CENPP: variants seen among roughly 807,000 people sequenced by gnomAD.
CENPP encodes the protein centromere protein P.
A neutral mutation model predicts 35.6 loss-of-function variants in CENPP; 24 were observed. The ratio of observed to expected loss-of-function variants is 0.67; its 90% CI spans 0.49 to 0.95. CENPP has a LOEUF of 0.95. Among genes scored for constraint, CENPP ranks in the 40% least tolerant of loss-of-function variants. CENPP has a pLI of 0.00. For missense variants in CENPP, 332 were observed against 345.3 expected, an observed-to-expected ratio of 0.96 and a Z score of 0.31; for synonymous variants, 120 against 125.5, an observed-to-expected ratio of 0.96 and a Z score of 0.29.
At chr9:92,473,245 C>A (rs1454837706) in intron 5 of CENPP, among the ~76,000 whole-genome samples, 1 of 152,136 alleles carries the variant, frequency 6.6e-6, no homozygotes, top group African/African-American at 2.4e-5. Flanking sequence ...ATGTTGGAAG[C>A]ATATGACTGC....
chr9:92,545,619 C>A (rs10114932), intron 5 of CENPP, among the ~76,000 whole-genome samples: 57,424 of 152,068 alleles, frequency 0.38, 13,481 homozygotes, highest in African/African-American at 0.66. Context: ...CGCCCAAGGG[C>A]TGAGGAGTGC....
chr9:92,603,606 C>T (rs577624250), intron 5 of CENPP, among the ~76,000 whole-genome samples: 7 of 152,252 alleles, frequency 4.6e-5, no homozygotes, highest in African/African-American at 1.4e-4. Context: ...CCCCACCTTC[C>T]TGCCTACACT....
chr9:92,390,612 A>G (rs1842639211), intron 5 of CENPP, among the ~76,000 whole-genome samples: 1 of 150,752 alleles, frequency 6.6e-6, no homozygotes, highest in South Asian at 2.1e-4. Context: ...TTGCGTGTGC[A>G]TCACGTATAT....
At chr9:92,439,685 C>A (rs1038124979) in intron 5 of CENPP, among the ~76,000 whole-genome samples, 3 of 152,164 alleles carry the variant, frequency 2.0e-5, no homozygotes, top group Non-Finnish European at 4.4e-5. Flanking sequence ...TGGGATATCG[C>A]TTTATATCTA....
intron 5 of CENPP, among the ~76,000 whole-genome samples, chr9:92,451,657 G>A (rs1844712860): frequency 6.6e-6 from 1 of 151,936 alleles, no homozygotes; most frequent in South Asian, 2.1e-4. Flanking sequence ...AGCTTGATGG[G>A]GATGGCATTG....
chr9:92,325,601 A>C, upstream of CENPP: 2 of 190,524 alleles, frequency 1.0e-5, no homozygotes, highest in East Asian at 1.6e-4. Context: ...TAAGAGAGGA[A>C]GTAGGTGAAA....
Position 92,425,131 on chromosome 9 carries a change from C to G in CENPP, c.564+45272C>G, listed in dbSNP as rs116463068. On this transcript the variant is annotated intron_variant, in intron 5 of 7. Coordinates refer to ENST00000375587, the MANE Select transcript of CENPP (RefSeq NM_001012267.3). Reference sequence around the variant, plus strand: ...GATTGTCATTGCTTACACAGATTAACTATACGACTTTTCTATACAAAGGCT... The same window carrying G: ...GATTGTCATTGCTTACACAGATTAAGTATACGACTTTTCTATACAAAGGCT... Among the ~76,000 whole-genome samples, 1,155 of 152,308 alleles carry G rather than the reference C, an allele frequency of 7.6e-3. 12 individuals are homozygous for G. Among genetic ancestry groups the G allele is most frequent in the African/African-American group, 0.024 (980 of 41,560 alleles).
chr9:92,426,625 C>A (rs1843974647), intron 5 of CENPP, among the ~76,000 whole-genome samples: 1 of 152,140 alleles, frequency 6.6e-6, no homozygotes, highest in Non-Finnish European at 1.5e-5. Context: ...ACAGTTCAGG[C>A]ACCGCTGTAT....
intron 5 of CENPP, among the ~76,000 whole-genome samples, chr9:92,546,828 C>G (rs777706378): frequency 1.3e-5 from 2 of 152,084 alleles, no homozygotes; most frequent in Non-Finnish European, 2.9e-5. Flanking sequence ...CAAGAAGAAT[C>G]AGAAAATCTA....
At chr9:92,543,404 G>A (rs1849357504) in intron 5 of CENPP, among the ~76,000 whole-genome samples, 1 of 149,270 alleles carries the variant, frequency 6.7e-6, no homozygotes, top group African/African-American at 2.5e-5. Flanking sequence ...CCTGGGAGGT[G>A]GAGGTTGCAG....
At chr9:92,578,959 T>A (rs1850352157) in intron 5 of CENPP, among the ~76,000 whole-genome samples, 1 of 152,212 alleles carries the variant, frequency 6.6e-6, no homozygotes, top group Non-Finnish European at 1.5e-5. Flanking sequence ...CTTTAATCCA[T>A]CTTGAATTGA....
At chr9:92,574,731 C>T (rs1280706319) in intron 5 of CENPP, among the ~76,000 whole-genome samples, 1 of 152,132 alleles carries the variant, frequency 6.6e-6, no homozygotes, top group Non-Finnish European at 1.5e-5. Context: ...TTCTAGAATT[C>T]ACATGGAATC....
chr9:92,327,918 CCA>C (rs1840619079), intron 1 of CENPP, among the ~76,000 whole-genome samples: 1 of 152,140 alleles, frequency 6.6e-6, no homozygotes, highest in African/African-American at 2.4e-5. Flanking sequence ...TATCTTATTG[CCA>C]CAGAGTCCGT....
chr9:92,513,628 T>A (rs979254874), intron 5 of CENPP, among the ~76,000 whole-genome samples: 1 of 152,198 alleles, frequency 6.6e-6, no homozygotes, highest in Non-Finnish European at 1.5e-5. Flanking sequence ...GAACTACTGA[T>A]ACACAAAACA....
At position 92,593,155 on chromosome 9, in the gene CENPP, C is replaced by T. The variant is rs188599152; in HGVS notation, c.565-18159C>T. ...TCCCAGGTGGCAGGAGAGCTGCCCC[C>T]GGGGAGCCACACTGTGTGTAAGATG... is the stretch of plus-strand genomic sequence containing the variant. On this transcript the variant is annotated intron_variant, in intron 5 of 7. Transcript: ENST00000375587. The surrounding 1 kb of genome is among the most constrained non-coding windows in gnomAD (Gnocchi z 4.1). 4.6e-5 allele frequency among the ~76,000 whole-genome samples: 7 copies of T among 152,280 alleles called. No homozygotes were observed. The highest frequency in any genetic ancestry group is 2.1e-4 in the South Asian group (1 of 4,814).
At chr9:92,530,751 C>A (rs1431453792) in intron 5 of CENPP, among the ~76,000 whole-genome samples, 1 of 152,000 alleles carries the variant, frequency 6.6e-6, no homozygotes, top group African/African-American at 2.4e-5. Context: ...GGTTTGTTAA[C>A]TGAGTATATT....
intron 5 of CENPP, chr9:92,417,411 C>T (rs769003837): frequency 6.2e-7 from 1 of 1,614,080 alleles, no homozygotes; most frequent in East Asian, 2.2e-5. Flanking sequence ...ACTCCGTAGT[C>T]TACATTTTGA....
chr9:92,423,736 G>A (rs1048676293), intron 5 of CENPP, among the ~76,000 whole-genome samples: 1 of 152,032 alleles, frequency 6.6e-6, no homozygotes, highest in Non-Finnish European at 1.5e-5. Flanking sequence ...TCTATATCAG[G>A]GATTTAGTCA....
chr9:92,470,804 A>T (rs942158380), intron 5 of CENPP: 1 of 1,326,190 alleles, frequency 7.5e-7, no homozygotes, highest in Non-Finnish European at 1.1e-6. Context: ...CAAACATATT[A>T]TATAATAGAG....
Sources: allele counts gnomAD v4.1 joint callset (sites outside exome capture counted in the v4.1 genomes callset), GRCh38; gene constraint gnomAD v4.1.1; non-coding constraint Gnocchi (gnomAD v3.1); transcripts MANE v1.5; gene names NCBI Gene and HGNC (gene_info 2026-07-23, HGNC 2026-07-21).